Variants in SKIC3 observed in about 807,000 individuals in gnomAD.
SKIC3 encodes superkiller complex protein 3.
chr5:95,547,075 A>G, the SKIC3 span: 2 of 1,613,066 alleles, frequency 1.2e-6, no homozygotes, highest in Non-Finnish European at 1.7e-6. Flanking sequence ...CAGTGTTTCA[A>G]AGCTTCTTTG....
chr5:95,509,484 A>C, the SKIC3 span: 3 of 819,712 alleles, frequency 3.7e-6, no homozygotes, highest in Non-Finnish European at 6.2e-6. Flanking sequence ...AATGGCGTGA[A>C]CATCCCCTGG....
At chr5:95,493,347 A>G in the SKIC3 span, among the ~76,000 whole-genome samples, 1 of 152,200 alleles carries the variant, frequency 6.6e-6, no homozygotes, top group Non-Finnish European at 1.5e-5. Flanking sequence ...GGAACATCAG[A>G]GATCATTAGA....
chr5:95,467,553 G>T, the SKIC3 span, among the ~76,000 whole-genome samples: 5 of 152,034 alleles, frequency 3.3e-5, no homozygotes, highest in African/African-American at 1.2e-4. Context: ...TAACAGTTCT[G>T]TTATTTATGC....
chr5:95,523,384 C>G, the SKIC3 span: 1 of 1,536,814 alleles, frequency 6.5e-7, no homozygotes, highest in Non-Finnish European at 8.9e-7. Flanking sequence ...AGACAGAACG[C>G]TCATGTAAAG....
At chr5:95,513,573 G>C in the SKIC3 span, 1 of 1,613,134 alleles carries the variant, frequency 6.2e-7, no homozygotes, top group Admixed American at 1.7e-5. Flanking sequence ...ATTCTTACAT[G>C]CATATTTAGT....
the SKIC3 span, chr5:95,521,987 G>A: frequency 1.2e-6 from 2 of 1,600,260 alleles, no homozygotes; most frequent in Non-Finnish European, 1.7e-6. Flanking sequence ...ATTTAGGCAG[G>A]AAATCTACTC....
chr5:95,541,722 C>A, the SKIC3 span: 1 of 909,688 alleles, frequency 1.1e-6, no homozygotes, highest in South Asian at 1.6e-5. Flanking sequence ...TCGCAATTCC[C>A]AGTAAATGCT....
the SKIC3 span, among the ~76,000 whole-genome samples, chr5:95,533,620 T>C: frequency 6.6e-6 from 1 of 152,208 alleles, no homozygotes; most frequent in East Asian, 1.9e-4. Context: ...TATCTGTAAA[T>C]ATCCACATAT....
the SKIC3 span, among the ~76,000 whole-genome samples, chr5:95,552,451 C>G: frequency 6.6e-6 from 1 of 152,188 alleles, no homozygotes; most frequent in South Asian, 2.1e-4. Context: ...ATACCCAACA[C>G]TTACTGGATA....
At chr5:95,527,986 T>A in the SKIC3 span, 1 of 1,612,850 alleles carries the variant, frequency 6.2e-7, no homozygotes, top group Non-Finnish European at 8.5e-7. Flanking sequence ...CTAACTAGAG[T>A]TGAAGAAAAA....
chr5:95,530,079 G>A, the SKIC3 span: 1 of 1,612,202 alleles, frequency 6.2e-7, no homozygotes, highest in Non-Finnish European at 8.5e-7. Flanking sequence ...GCCATACACT[G>A]TACATTTACC....
chr5:95,537,048 A>G, the SKIC3 span: 3 of 1,613,302 alleles, frequency 1.9e-6, no homozygotes, highest in African/African-American at 2.7e-5. Context: ...CTTACTTTGG[A>G]TAAACTCTGA....
chr5:95,528,887 T>TA, the SKIC3 span: 1 of 856,972 alleles, frequency 1.2e-6, no homozygotes, highest in Non-Finnish European at 1.9e-6. Context: ...ATTAGCAATT[T>TA]AAAATACAAA....
At chr5:95,529,467 C>G in the SKIC3 span, 3 of 337,782 alleles carry the variant, frequency 8.9e-6, no homozygotes, top group Non-Finnish European at 1.7e-5. Flanking sequence ...AACTCCTTAC[C>G]AAGTCTTGCT....
chr5:95,538,849 A>G, the SKIC3 span, among the ~76,000 whole-genome samples: 7 of 152,214 alleles, frequency 4.6e-5, no homozygotes, highest in African/African-American at 1.7e-4. Context: ...TAAACCTCAA[A>G]GTAATTCAGT....
chr5:95,551,905 T>A, the SKIC3 span, among the ~76,000 whole-genome samples: 6 of 152,232 alleles, frequency 3.9e-5, no homozygotes, highest in Non-Finnish European at 8.8e-5. Context: ...TATCTACTAT[T>A]ATTCTCTCAA....
At chr5:95,528,181 G>C in the SKIC3 span, 3 of 1,613,080 alleles carry the variant, frequency 1.9e-6, no homozygotes, top group African/African-American at 4.0e-5. Flanking sequence ...TCCAAATGAA[G>C]ACAGCCATAT....
At chr5:95,484,840 C>T in the SKIC3 span, 6 of 1,613,848 alleles carry the variant, frequency 3.7e-6, no homozygotes, top group Admixed American at 5.0e-5. Context: ...AATTTTTCGT[C>T]TTTAACTGTA....
At chr5:95,532,569 T>C in the SKIC3 span, among the ~76,000 whole-genome samples, 1 of 152,166 alleles carries the variant, frequency 6.6e-6, no homozygotes. Context: ...TTGAGAATAC[T>C]AGCTAAATAA....
Sources: gnomAD v4.1 joint callset for allele counts (sites outside exome capture counted in the v4.1 genomes callset) on GRCh38, gnomAD v4.1.1 for gene constraint, MANE v1.5 for transcripts, NCBI Gene and HGNC (gene_info 2026-07-23, HGNC 2026-07-21) for gene names.